Variants in PML observed in about 807,000 individuals in gnomAD.
PML encodes PML nuclear body scaffold.
A neutral mutation model predicts 65.2 loss-of-function variants in PML; 28 were observed. The ratio of observed to expected loss-of-function variants is 0.43; its 90% CI spans 0.32 to 0.59. The LOEUF (loss-of-function observed/expected upper bound fraction) is 0.59. Ranked by LOEUF, PML falls within the 20% of genes least tolerant of loss-of-function variation. PML has a pLI of 0.08. For synonymous variants in PML, 500 were observed against 508.8 expected, an observed-to-expected ratio of 0.98 and a Z score of 0.23; for missense variants, 1,021 against 1,203.4, an observed-to-expected ratio of 0.85 and a Z score of 2.24.
In PML at chr15:74,032,596, G is replaced by A. The variant is rs746160914; in HGVS notation, c.1279G>A (p.Ala427Thr). ...GCCCGAGGAGGCAGAGAGAGTGAAG[G>A]CCCAGGTTCAGGCCCTGGGGCTGGC... is the stretch of plus-strand genomic sequence containing the variant. ...DLPEEAERVK[A>T]QVQALGLAEA... Residue 427 changes from alanine to threonine, a missense_variant, in exon 5 of 9, where the codon GCC becomes ACC. By Grantham distance (58) the Ala-to-Thr change is moderately conservative. Coordinates refer to ENST00000268058, the MANE Select transcript of PML (RefSeq NM_033238.3). 1.2e-5 allele frequency: 20 copies of A among 1,613,976 alleles called. No individual in the cohort carries two copies. The highest frequency in any genetic ancestry group is 1.6e-5 in the Non-Finnish European group (19 of 1,179,922).
At chr15:74,017,018 C>T (rs1054111331) in intron 2 of PML, among the ~76,000 whole-genome samples, 3 of 151,612 alleles carry the variant, frequency 2.0e-5, no homozygotes, top group African/African-American at 7.3e-5. Flanking sequence ...AGGATGGTCT[C>T]GATCTCCTGA....
intron 4 of PML, among the ~76,000 whole-genome samples, chr15:74,029,776 T>C (rs1298080210): frequency 6.6e-6 from 1 of 152,196 alleles, no homozygotes; most frequent in Non-Finnish European, 1.5e-5. Flanking sequence ...GATCCACTAA[T>C]GGGTCACAAG....
At position 74,037,974 on chromosome 15, in the gene PML, C is replaced by T. The variant is rs934783959; in HGVS notation, c.1710+3444C>T. Among the ~76,000 whole-genome samples, 1 of 152,166 alleles carries T rather than the reference C, an allele frequency of 6.6e-6. No individual in the cohort carries two copies. On this transcript the variant is annotated intron_variant, in intron 7 of 8. Transcript: ENST00000268058. This position sits in a 1 kb window ranked among gnomAD's most constrained non-coding sequence, Gnocchi z 4.2. ...CCCATAGGTACCTCAAACTCAGCACCTTCTCCTCCCGTCTCACTGGCTCGC... is the reference window on the plus strand; with the variant it reads ...CCCATAGGTACCTCAAACTCAGCACTTTCTCCTCCCGTCTCACTGGCTCGC...
In PML at chr15:74,035,241, C is replaced by T. The variant is rs933296061; in HGVS notation, c.1710+711C>T. 1.2e-6 allele frequency: 2 copies of T among 1,608,444 alleles called. No individual in the cohort carries two copies. Among genetic ancestry groups the T allele is most frequent in the Non-Finnish European group, 1.7e-6 (2 of 1,175,320 alleles). ...CCACTCCTCGCCAGCCCACTCCTCG[C>T]CAGCCCACTCCTCGCCAGTCCAGTC... On this transcript the variant is annotated intron_variant, in intron 7 of 8. Transcript: ENST00000268058. This position sits in a 1 kb window ranked among gnomAD's most constrained non-coding sequence, Gnocchi z 4.1.
Position 74,026,032 on chromosome 15 carries a change from T to A in PML, c.1254+1105T>A, listed in dbSNP as rs186227201. The A allele has an allele frequency of 1.7e-3, 263 of 152,482 alleles. 2 individuals carry two copies. Among genetic ancestry groups the A allele is most frequent in the East Asian group, 7.7e-4 (4 of 5,190 alleles). The allele number at this position is 152,482 out of a possible 1,614,324, so 9.4% of individuals were successfully genotyped here. ...ACAGGACTTAAGAGTCTCAGAGTTT[T>A]AGAGCCAGGCAAGAGCATGGAGTCT... On this transcript the variant is annotated intron_variant, in intron 4 of 8. Transcript: ENST00000268058.
intron 4 of PML, 135 bp from the exon 5 acceptor site, chr15:74,032,437 C>A: frequency 1.1e-6 from 1 of 902,830 alleles, no homozygotes. Flanking sequence ...CCCCAGTGAG[C>A]TCGGAGCTTT....
intron 3 of PML, among the ~76,000 whole-genome samples, chr15:74,023,849 G>A (rs1163729994): frequency 1.3e-5 from 2 of 152,188 alleles, no homozygotes; most frequent in African/African-American, 4.8e-5. Flanking sequence ...ATGGTTGGAT[G>A]CTTACCCAAA....
chr15:73,998,097 A>G lies in PML; in HGVS notation c.223A>G (p.Thr75Ala). ...KCPKLLPCLH[T>A]LCSGCLEASG... ...CCCGAAGCTGCTGCCTTGTCTGCAC[A>G]CGCTGTGCTCAGGATGCCTGGAGGC... is the stretch of plus-strand genomic sequence containing the variant. Residue 75 changes from threonine (T) to alanine (A), a missense_variant, in exon 2 of 9, where the codon ACG becomes GCG. Physicochemically the swap from Thr to Ala is moderately conservative, Grantham distance 58. Coordinates refer to ENST00000268058, the MANE Select transcript of PML (RefSeq NM_033238.3). 1 of 1,613,862 alleles carries G rather than the reference A, an allele frequency of 6.2e-7. No individual in the cohort carries two copies. Among genetic ancestry groups the G allele is most frequent in the Non-Finnish European group, 8.5e-7 (1 of 1,180,026 alleles).
rs371532283 is a variant in PML, at chr15:74,044,780, G to A, written c.2421G>A (p.Glu807=). The stretch of plus-strand genomic sequence containing the variant: ...CCCTACACAACGTGAGCTTCATGGA[G>A]CTGCTGAGTGCACACCGCCGTGACC... ...LLALHNVSFM[E]LLSAHRRDRQ... Residue 807 remains glutamate, a synonymous_variant, in exon 9 of 9, where the codon GAG becomes GAA. Coordinates refer to ENST00000268058, the MANE Select transcript of PML (RefSeq NM_033238.3). 175 of 1,612,994 alleles carry A rather than the reference G, an allele frequency of 1.1e-4. No individual in the cohort carries two copies. Among genetic ancestry groups the A allele is most frequent in the Middle Eastern group, 1.6e-4 (1 of 6,084 alleles).
Position 74,033,170 on chromosome 15 carries a change from A to G in PML, c.1413A>G (p.Thr471=), listed in dbSNP as rs775333596. The change falls in exon 6 of 9, where the codon ACA becomes ACG. Residue 471 remains threonine (T), a synonymous_variant. Transcript: ENST00000268058. ...CCTCTATGCAGGATGTCTCCAATAC[A>G]ACGACAGCCCAGAAGAGGAAGTGCA... ...GPSYGEDVSN[T]TTAQKRKCSQ... is the part of the protein sequence containing the mutation. 2 of 1,614,090 alleles carry G rather than the reference A, an allele frequency of 1.2e-6. No homozygotes were observed. Among genetic ancestry groups the G allele is most frequent in the South Asian group, 2.2e-5 (2 of 91,070 alleles).
At chr15:74,036,308 G>T in intron 7 of PML, 1 of 1,446,184 alleles carries the variant, frequency 6.9e-7, no homozygotes, top group Non-Finnish European at 9.1e-7. Flanking sequence ...CTAGGCCTCT[G>T]CCAGGATCTA....
Position 74,043,157 on chromosome 15 carries a change from T to C in PML, c.1861+18T>C. The C allele has an allele frequency of 6.2e-7, 1 of 1,613,918 alleles. No individual in the cohort carries two copies. Among genetic ancestry groups the C allele is most frequent in the South Asian group, 1.1e-5 (1 of 91,074 alleles). ...CAATGAAAGTGGGTTCTCCTGGGGC[T>C]ACCCCCACCCCTTTCTAATTTAGTC... On this transcript the variant is annotated intron_variant, in intron 8 of 8. Coordinates refer to ENST00000268058, the MANE Select transcript of PML (RefSeq NM_033238.3). The surrounding 1 kb of genome is among the most constrained non-coding windows in gnomAD (Gnocchi z 4.3).
At position 73,998,159 on chromosome 15, in the gene PML, G is replaced by A. The variant is rs767209117; in HGVS notation, c.285G>A (p.Trp95Ter). ...GMQCPICQAP[W>*]PLGADTPALD... Reference sequence around the variant, plus strand: ...AGTGCCCCATCTGCCAGGCGCCCTGGCCCCTAGGTGCAGACACACCCGCCC... The same window carrying A: ...AGTGCCCCATCTGCCAGGCGCCCTGACCCCTAGGTGCAGACACACCCGCCC... Residue 95 changes from tryptophan to a stop codon, truncating the protein, a stop_gained, in exon 2 of 9, where the codon TGG (tryptophan) becomes TGA (stop). Transcript: ENST00000268058. LOFTEE classifies it high-confidence loss of function. 6.2e-7 allele frequency: 1 copy of A among 1,614,210 alleles called. No individual in the cohort carries two copies. The highest frequency in any genetic ancestry group is 8.5e-7 in the Non-Finnish European group (1 of 1,180,044).
intron 2 of PML, among the ~76,000 whole-genome samples, chr15:74,001,842 TA>T (rs775295349): frequency 2.6e-5 from 4 of 151,560 alleles, no homozygotes; most frequent in Admixed American, 2.0e-4. Flanking sequence ...TTACAAAAAA[TA>T]AAAAAAATTA....
Position 74,035,871 on chromosome 15 carries a change from C to G in PML, c.1710+1341C>G. On this transcript the variant is annotated intron_variant, in intron 7 of 8. Coordinates refer to ENST00000268058, the MANE Select transcript of PML (RefSeq NM_033238.3). The surrounding 1 kb of genome is among the most constrained non-coding windows in gnomAD (Gnocchi z 4.1). ...AGTCCAAGTGCCTCTGGAAGCCTCT[C>G]CAATTACATTCCCACCACCCTGTGC... is the stretch of plus-strand genomic sequence containing the variant. 2 of 1,613,764 alleles carry G rather than the reference C, an allele frequency of 1.2e-6. No homozygotes were observed. Among genetic ancestry groups the G allele is most frequent in the Non-Finnish European group, 1.7e-6 (2 of 1,179,996 alleles).
In PML at chr15:74,037,571, C is replaced by T; in HGVS notation, c.1710+3041C>T. The T allele has an allele frequency of 1.0e-6, 1 of 985,430 alleles. No homozygotes were observed. The highest frequency in any genetic ancestry group is 4.7e-5 in the South Asian group (1 of 21,290). 61.0% of individuals were successfully genotyped at this position (985,430 alleles called of 1,614,324 possible). A position where few individuals can be genotyped will look rare whatever the true frequency, so the allele number is the denominator to read the frequency against. On this transcript the variant is annotated intron_variant, in intron 7 of 8. Transcript: ENST00000268058. The surrounding 1 kb of genome is among the most constrained non-coding windows in gnomAD (Gnocchi z 4.2). ...CTCCTTGTTTACACTTCAGCCCCCT[C>T]CTTGCCCCTTCTTCACCCCACCTCC...
intron 2 of PML, among the ~76,000 whole-genome samples, chr15:74,002,382 C>T (rs1335942422): frequency 8.4e-6 from 1 of 118,606 alleles, no homozygotes; most frequent in East Asian, 2.3e-4. Context: ...TATGTAAGTT[C>T]TAGTGCTTGT....
intron 2 of PML, among the ~76,000 whole-genome samples, chr15:74,011,676 A>G (rs1281657552): frequency 6.6e-6 from 1 of 152,202 alleles, no homozygotes. Flanking sequence ...CCTGTTGACA[A>G]AGTGGAGAAC....
At chr15:73,995,044 A>T in intron 1 of PML, 103 bp downstream of exon 1, 1 of 1,096,504 alleles carries the variant, frequency 9.1e-7, no homozygotes, top group East Asian at 2.6e-5. Context: ...CAAGTACCCT[A>T]GAGAGTGACA....
Sources: allele counts gnomAD v4.1 joint callset (sites outside exome capture counted in the v4.1 genomes callset), GRCh38; gene constraint gnomAD v4.1.1; non-coding constraint Gnocchi (gnomAD v3.1); transcripts MANE v1.5; gene names NCBI Gene and HGNC (gene_info 2026-07-23, HGNC 2026-07-21).